Variants in ZNF174 observed in about 807,000 individuals in gnomAD.
The protein encoded by ZNF174 is AW-1.
In ZNF174, 30 loss-of-function variants were observed where a neutral mutation model predicts 38.7. The observed-to-expected ratio is 0.78, with a 90% CI of 0.58 to 1.05. The LOEUF (loss-of-function observed/expected upper bound fraction) is 1.05. ZNF174 is among the 50% of genes least tolerant of loss of function. The probability of loss-of-function intolerance (pLI) is 0.00; values close to 1 mark genes in which losing one functional copy is unlikely to be tolerated. For synonymous variants in ZNF174, 201 were observed against 181.7 expected, an observed-to-expected ratio of 1.11 and a Z score of -0.86; for missense variants, 499 against 495.6, an observed-to-expected ratio of 1.01 and a Z score of -0.06.
chr16:3,402,814 C>T (rs1359500369), intron 1 of ZNF174, among the ~76,000 whole-genome samples: 2 of 152,130 alleles, frequency 1.3e-5, no homozygotes, highest in Non-Finnish European at 2.9e-5. Flanking sequence ...ATTTAAGTCT[C>T]AGAAGTGGAC....
rs2034084002 is a variant in ZNF174 at position 3,408,486 on chromosome 16, T to C, written c.791T>C (p.Val264Ala). ...MSEPRLSRRQ[V>A]SSPNAQKPFA... ...GAACCTCGGTTGTCACGGAGGCAGG[T>C]CAGCTCCCCAAATGCTCAAAAGCCA... The change falls in exon 3 of 3, where the codon GTC becomes GCC. Residue 264 changes from valine to alanine, a missense_variant. Coordinates refer to ENST00000268655, the MANE Select transcript of ZNF174 (RefSeq NM_003450.3). 1 of 1,613,892 alleles carries C rather than the reference T, an allele frequency of 6.2e-7. No homozygotes were observed. Among genetic ancestry groups the C allele is most frequent in the South Asian group, 1.1e-5 (1 of 91,070 alleles).
At position 3,408,741 on chromosome 16, in the gene ZNF174, C is replaced by G; in HGVS notation, c.1046C>G (p.Thr349Arg). 1 of 1,614,118 alleles carries G rather than the reference C, an allele frequency of 6.2e-7. No individual in the cohort carries two copies. The highest frequency in any genetic ancestry group is 1.1e-5 in the South Asian group (1 of 91,076). Residue 349 changes from threonine (T) to arginine (R), a missense_variant, in exon 3 of 3, where the codon ACA (threonine) becomes AGA (arginine). Coordinates refer to ENST00000268655, the MANE Select transcript of ZNF174 (RefSeq NM_003450.3). ...CTGAAGAGACACAAGAGAGTCCACA[C>G]AGGAGAGAGACCCTACACGTGCGGA... is the stretch of plus-strand genomic sequence containing the variant. The part of the protein sequence containing the change: ...SELKRHKRVH[T>R]GERPYTCGEC...
Position 3,401,760 on chromosome 16 carries a change from T to A in ZNF174, c.-245T>A, listed in dbSNP as rs2033909755. ...TCCTTTTAGGACGTTATGACTTTTC[T>A]CCTTTGCAAGACTGCAAAAAACTGA... On this transcript the variant is annotated 5_prime_UTR_variant, in exon 1 of 3. Transcript: ENST00000268655. 1 of 476,686 alleles carries A rather than the reference T, an allele frequency of 2.1e-6. No homozygotes were observed. Among genetic ancestry groups the A allele is most frequent in the African/African-American group, 2.0e-5 (1 of 49,682 alleles). The allele number at this position is 476,686 out of a possible 1,614,324, so 29.5% of individuals were successfully genotyped here.
Position 3,408,698 on chromosome 16 carries a change from T to C in ZNF174, c.1003T>C (p.Phe335Leu), listed in dbSNP as rs1046878669. 6.2e-7 allele frequency: 1 copy of C among 1,614,062 alleles called. No homozygotes were observed. Among genetic ancestry groups the C allele is most frequent in the Non-Finnish European group, 8.5e-7 (1 of 1,180,008 alleles). ...CAAATGTGATGACTGTGGGAAAAGC[T>C]TCACGTGGAATTCAGAGCTGAAGAG... ...PYKCDDCGKS[F>L]TWNSELKRHK... Residue 335 changes from phenylalanine to leucine, a missense_variant, in exon 3 of 3, where the codon TTC (phenylalanine) becomes CTC (leucine). By Grantham distance (22) the Phe-to-Leu change is conservative. Coordinates refer to ENST00000268655, the MANE Select transcript of ZNF174 (RefSeq NM_003450.3).
At position 3,402,462 on chromosome 16, in the gene ZNF174, T is replaced by TC. The variant is rs894729865; in HGVS notation, c.402+56_402+57insC. ...GATTTCTTTTTCTTTTCTTTTTTTT[T>TC]TTTTTTCTTTTTTTGAGACGGAATC... is the stretch of plus-strand genomic sequence containing the variant. On this transcript the variant is annotated intron_variant, in intron 1 of 2. Transcript: ENST00000268655. 1.4e-5 allele frequency: 21 copies of TC among 1,525,678 alleles called. No homozygotes were observed. In the African/African-American group the frequency reaches 3.0e-4, roughly 22 times the overall value. 94.5% of individuals were successfully genotyped at this position (1,525,678 alleles called of 1,614,324 possible).
At chr16:3,406,944 C>T (rs1007529072) in intron 2 of ZNF174, among the ~76,000 whole-genome samples, 1 of 152,174 alleles carries the variant, frequency 6.6e-6, no homozygotes, top group African/African-American at 2.4e-5. Flanking sequence ...TTTCCCCATA[C>T]ATAAACAAGT....
Position 3,401,775 on chromosome 16 carries a change from C to A in ZNF174, c.-230C>A. On this transcript the variant is annotated 5_prime_UTR_variant, in exon 1 of 3. Coordinates refer to ENST00000268655, the MANE Select transcript of ZNF174 (RefSeq NM_003450.3). ...ATGACTTTTCTCCTTTGCAAGACTG[C>A]AAAAAACTGACAAGAAGACAAAACT... is the stretch of plus-strand genomic sequence containing the variant. The A allele has an allele frequency of 1.9e-6, 1 of 519,368 alleles. No individual in the cohort carries two copies. The highest frequency in any genetic ancestry group is 3.4e-6 in the Non-Finnish European group (1 of 298,328). 32.2% of individuals were successfully genotyped at this position (519,368 alleles called of 1,614,324 possible). A position where few individuals can be genotyped will look rare whatever the true frequency, so the allele number is the denominator to read the frequency against.
rs376364496 is a variant in ZNF174, at chr16:3,404,699, A to G, written c.625+51A>G. Reference sequence around the variant, plus strand: ...TCTCATCAGCCCTTTATCTCCATCAATGTATCTCATGGTTCTGCAAAGGCA... The same window carrying G: ...TCTCATCAGCCCTTTATCTCCATCAGTGTATCTCATGGTTCTGCAAAGGCA... On this transcript the variant is annotated intron_variant, in intron 2 of 2. Coordinates refer to ENST00000268655, the MANE Select transcript of ZNF174 (RefSeq NM_003450.3). 152 of 1,604,470 alleles carry G rather than the reference A, an allele frequency of 9.5e-5. No homozygotes were observed. The African/African-American group carries it at 1.6e-3, about 17-fold the overall frequency.
intron 2 of ZNF174, chr16:3,404,852 G>GA (rs2034030361): frequency 4.4e-6 from 7 of 1,594,014 alleles, no homozygotes. Flanking sequence ...TTCTGTTAAT[G>GA]AAAATTTAAG....
chr16:3,406,710 C>G (rs993537575), intron 2 of ZNF174, among the ~76,000 whole-genome samples: 4 of 152,252 alleles, frequency 2.6e-5, no homozygotes, highest in African/African-American at 7.2e-5. Flanking sequence ...TCTTTTCTCT[C>G]ATTTTGTGGG....
At position 3,409,012 on chromosome 16, in the gene ZNF174, C is replaced by A; in HGVS notation, c.*93C>A. The A allele has an allele frequency of 7.6e-7, 1 of 1,322,760 alleles. No individual in the cohort carries two copies. The highest frequency in any genetic ancestry group is 1.0e-6 in the Non-Finnish European group (1 of 964,052). 81.9% of individuals were successfully genotyped at this position (1,322,760 alleles called of 1,614,324 possible). A position where few individuals can be genotyped will look rare whatever the true frequency, so the allele number is the denominator to read the frequency against. ...TAAATCACAAAAACTGTGTGACTTA[C>A]AAGGAAAGCACGAGGCCCTTGAGGA... On this transcript the variant is annotated 3_prime_UTR_variant, in exon 3 of 3. Transcript: ENST00000268655.
intron 1 of ZNF174, 70 bp from the exon 2 acceptor site, chr16:3,404,356 A>G: frequency 6.8e-7 from 1 of 1,464,454 alleles, no homozygotes; most frequent in Non-Finnish European, 9.2e-7. Context: ...ACGGGTCATT[A>G]TACAACAGTG....
intron 1 of ZNF174, among the ~76,000 whole-genome samples, chr16:3,402,764 T>A (rs1240428775): frequency 1.3e-5 from 2 of 152,174 alleles, no homozygotes; most frequent in African/African-American, 4.8e-5. Context: ...GGCCGATTTC[T>A]TTTTCATCTG....
rs562326303 is a variant in ZNF174, at chr16:3,402,192, C to T, written c.188C>T (p.Ala63Val). The change falls in exon 1 of 3, where the codon GCT becomes GTT. Residue 63 changes from alanine (A) to valine (V), a missense_variant. Coordinates refer to ENST00000268655, the MANE Select transcript of ZNF174 (RefSeq NM_003450.3). ...CYQEVSGPQE[A>V]LSQLRQLCRQ... is the part of the protein sequence containing the mutation. ...CAAGAGGTGTCTGGACCCCAAGAGGCTCTCTCCCAGCTCCGACAGCTCTGC... is the reference window on the plus strand; with the variant it reads ...CAAGAGGTGTCTGGACCCCAAGAGGTTCTCTCCCAGCTCCGACAGCTCTGC... The T allele has an allele frequency of 3.9e-5, 63 of 1,612,770 alleles. No individual in the cohort carries two copies. The East Asian group carries it at 5.4e-4, about 14-fold the overall frequency.
chr16:3,405,548 A>G (rs1000541786), intron 2 of ZNF174, among the ~76,000 whole-genome samples: 8 of 152,192 alleles, frequency 5.3e-5, no homozygotes, highest in Admixed American at 5.2e-4. Context: ...CAGTGAGGGC[A>G]GCACCCTCAT....
At chr16:3,405,096 T>C in intron 2 of ZNF174, 2 of 1,495,620 alleles carry the variant, frequency 1.3e-6, no homozygotes, top group Non-Finnish European at 1.8e-6. Context: ...TCAAATCTAT[T>C]TCCCTTTCTC....
At position 3,409,026 on chromosome 16, in the gene ZNF174, G is replaced by A; in HGVS notation, c.*107G>A. The A allele has an allele frequency of 8.2e-7, 1 of 1,214,412 alleles. No homozygotes were observed. 75.2% of individuals were successfully genotyped at this position (1,214,412 alleles called of 1,614,324 possible). A position where few individuals can be genotyped will look rare whatever the true frequency, so the allele number is the denominator to read the frequency against. On this transcript the variant is annotated 3_prime_UTR_variant, in exon 3 of 3. Coordinates refer to ENST00000268655, the MANE Select transcript of ZNF174 (RefSeq NM_003450.3). ...TGTGTGACTTACAAGGAAAGCACGA[G>A]GCCCTTGAGGAATGATGATGCACAT...
chr16:3,407,496 A>G (rs1315328835), intron 2 of ZNF174, among the ~76,000 whole-genome samples: 1 of 152,240 alleles, frequency 6.6e-6, no homozygotes, highest in Non-Finnish European at 1.5e-5. Context: ...TTGAATTTAA[A>G]TGAATTAAAA....
At chr16:3,408,179 T>C in intron 2 of ZNF174, 142 bp from the exon 3 acceptor site, 1 of 790,652 alleles carries the variant, frequency 1.3e-6, no homozygotes, top group Non-Finnish European at 2.0e-6. Flanking sequence ...AGCCTGCTTG[T>C]TTAACAAGTG....
Sources: gnomAD v4.1 joint callset for allele counts (sites outside exome capture counted in the v4.1 genomes callset) on GRCh38, gnomAD v4.1.1 for gene constraint, MANE v1.5 for transcripts, NCBI Gene and HGNC (gene_info 2026-07-23, HGNC 2026-07-21) for gene names.